Variants in XRN1 observed in about 807,000 individuals in gnomAD.
The protein encoded by XRN1 is strand-exchange protein 1 homolog.
Under a neutral mutation model 222.3 loss-of-function variants are expected in XRN1, and 67 were observed. That is an observed-to-expected ratio of 0.30 (90% CI 0.25 to 0.37). The LOEUF is 0.37. Ranked by LOEUF, XRN1 falls within the 10% of genes least tolerant of loss-of-function variation. The pLI, the probability that XRN1 is intolerant of heterozygous loss-of-function variation, is 1.00. For missense variants in XRN1, 1,707 were observed against 2,000.2 expected (o/e 0.85, Z 2.80); for synonymous variants, 643 against 652.4 (o/e 0.99, Z 0.22).
intron 12 of XRN1, 121 bp from the exon 13 acceptor site, chr3:142,417,350 AT>A (rs1160214056): frequency 2.7e-6 from 2 of 743,344 alleles, no homozygotes; most frequent in East Asian, 5.5e-5. Context: ...TGAATTAGCT[AT>A]TTATGGCTAA....
At chr3:142,316,975 TCA>T (rs1313612543) in intron 39 of XRN1, among the ~76,000 whole-genome samples, 3 of 152,190 alleles carry the variant, frequency 2.0e-5, no homozygotes, top group African/African-American at 4.8e-5. Flanking sequence ...TGTATTAGAT[TCA>T]CAGTTTGGCT....
intron 39 of XRN1, among the ~76,000 whole-genome samples, chr3:142,315,646 C>T (rs1053095131): frequency 1.4e-4 from 21 of 151,642 alleles, no homozygotes; most frequent in African/African-American, 4.8e-4. Context: ...GTAGCTGGGA[C>T]TACAGGTGTG....
At chr3:142,404,871 C>T (rs2068286091) in intron 16 of XRN1, 36 bp downstream of exon 16, 2 of 1,609,638 alleles carry the variant, frequency 1.2e-6, no homozygotes, top group East Asian at 4.5e-5. Flanking sequence ...GTTAGGAGCG[C>T]TCTTTTGTTG....
chr3:142,403,083 A>G (rs1190540501), intron 18 of XRN1, among the ~76,000 whole-genome samples: 1 of 152,208 alleles, frequency 6.6e-6, no homozygotes, highest in Non-Finnish European at 1.5e-5. Context: ...TCATGGGAAA[A>G]TAAGTCCAAA....
Position 142,447,093 on chromosome 3 carries a change from C to CA in XRN1, c.75+776dup, listed in dbSNP as rs1288774534. On this transcript the variant is annotated intron_variant, in intron 1 of 40. Coordinates refer to ENST00000392981, the MANE Select transcript of XRN1 (RefSeq NM_001282857.2). The surrounding 1 kb of genome is among the most constrained non-coding windows in gnomAD (Gnocchi z 4.2). ...AGACGACTGCTTTCTCCTCTCTTTC[C>CA]ACAGTTCCAATATATAAACTACGTT... is the stretch of plus-strand genomic sequence containing the variant. Among the ~76,000 whole-genome samples the CA allele has an allele frequency of 6.6e-6, 1 of 152,200 alleles. No individual in the cohort carries two copies. Among genetic ancestry groups the CA allele is most frequent in the Non-Finnish European group, 1.5e-5 (1 of 68,046 alleles).
At position 142,312,421 on chromosome 3, in the gene XRN1, A is replaced by G. The variant is rs147155617; in HGVS notation, c.4782+177T>C. ...TTACTTGGTACAATTATTGTTTATTAGAACACAAACTCAGAGAGCAGAGAC... is the reference window on the plus strand; with the variant it reads ...TTACTTGGTACAATTATTGTTTATTGGAACACAAACTCAGAGAGCAGAGAC... On this transcript the variant is annotated intron_variant, in intron 40 of 40. Coordinates refer to ENST00000392981, the MANE Select transcript of XRN1 (RefSeq NM_001282857.2). 3.1e-3 allele frequency among the ~76,000 whole-genome samples: 472 copies of G among 152,348 alleles called. 1 individual carries two copies. Among genetic ancestry groups the G allele is most frequent in the African/African-American group, 0.011 (456 of 41,590 alleles).
In XRN1 at chr3:142,414,680, A is replaced by G. The variant is rs141102365; in HGVS notation, c.1437-389T>C. Among the ~76,000 whole-genome samples, 28 of 152,136 alleles carry G rather than the reference A, an allele frequency of 1.8e-4. No homozygotes were observed. In the East Asian group the frequency reaches 5.4e-3, roughly 29 times the overall value. On this transcript the variant is annotated intron_variant, in intron 13 of 40. Coordinates refer to ENST00000392981, the MANE Select transcript of XRN1 (RefSeq NM_001282857.2). ...CAGGCTAATTTTTTGTATTTTTAGT[A>G]GAGACGGGGTTTCACCTTGTTAGCC...
At chr3:142,336,382 C>T (rs2065851700) in intron 33 of XRN1, among the ~76,000 whole-genome samples, 1 of 147,462 alleles carries the variant, frequency 6.8e-6, no homozygotes, top group African/African-American at 2.5e-5. Flanking sequence ...CTAGACTGTT[C>T]ATTAAGCCAG....
chr3:142,369,731 A>G (rs532259545), intron 27 of XRN1, among the ~76,000 whole-genome samples: 1 of 151,998 alleles, frequency 6.6e-6, no homozygotes, highest in Non-Finnish European at 1.5e-5. Flanking sequence ...TTCTACAAAA[A>G]GATGAACTGT....
intron 25 of XRN1, 81 bp downstream of exon 25, chr3:142,375,717 A>C: frequency 1.5e-6 from 2 of 1,355,384 alleles, no homozygotes; most frequent in Non-Finnish European, 2.0e-6. Flanking sequence ...TTTGTCCTCT[A>C]AAACTAATAT....
intron 15 of XRN1, among the ~76,000 whole-genome samples, chr3:142,408,910 A>G (rs1156798429): frequency 6.6e-6 from 1 of 152,182 alleles, no homozygotes; most frequent in African/African-American, 2.4e-5. Flanking sequence ...GTATAGTGGT[A>G]TCTTATCATG....
Position 142,383,342 on chromosome 3 carries a change from C to T in XRN1, c.2574G>A (p.Met858Ile), listed in dbSNP as rs753366672. ...AATAGGGAGTTCCCAGCATAAAGACCATACTTCTCAGAGGAAACAAATCAT... is the reference window on the plus strand; with the variant it reads ...AATAGGGAGTTCCCAGCATAAAGACTATACTTCTCAGAGGAAACAAATCAT... Reference protein sequence around the residue: ...TLDDLFPLRSMVFMLGTPYYG... With the variant: ...TLDDLFPLRSIVFMLGTPYYG... The change falls in exon 22 of 41, where the codon ATG becomes ATA. Residue 858 changes from methionine to isoleucine, a missense_variant. By Grantham distance (10) the Met-to-Ile change is conservative. Around this residue, in one of 2 missense-constraint regions of XRN1, gnomAD observed 1,234 missense variants for 1,518.2 expected, o/e 0.81. Transcript: ENST00000392981. The T allele has an allele frequency of 6.2e-7, 1 of 1,613,848 alleles. No individual in the cohort carries two copies. Among genetic ancestry groups the T allele is most frequent in the Non-Finnish European group, 8.5e-7 (1 of 1,179,916 alleles).
At chr3:142,345,118 A>T (rs1278768752) in intron 33 of XRN1, among the ~76,000 whole-genome samples, 3 of 152,272 alleles carry the variant, frequency 2.0e-5, no homozygotes, top group African/African-American at 7.2e-5. Context: ...CTTCTTAAAA[A>T]TGAGATGGTG....
Position 142,417,143 on chromosome 3 carries a change from C to T in XRN1, c.1433G>A (p.Ser478Asn). ...ATTTTTGTTTTTATTCTCTCACCAG[C>T]TCCAGGACTGAACTCCATGATAGTA... Reference protein sequence around the residue: ...HYYYHGVQSWSWYYPYHYAPF... With the variant: ...HYYYHGVQSWNWYYPYHYAPF... The change falls in exon 13 of 41, where the codon AGC becomes AAC. Residue 478 changes from serine to asparagine, a missense_variant. Physicochemically the swap from Ser to Asn is conservative, Grantham distance 46. Coordinates refer to ENST00000392981, the MANE Select transcript of XRN1 (RefSeq NM_001282857.2). 3.1e-6 allele frequency: 5 copies of T among 1,611,600 alleles called. No individual in the cohort carries two copies. The highest frequency in any genetic ancestry group is 3.4e-6 in the Non-Finnish European group (4 of 1,178,564).
chr3:142,401,429 T>C (rs2068125459), intron 18 of XRN1, among the ~76,000 whole-genome samples: 1 of 152,308 alleles, frequency 6.6e-6, no homozygotes, highest in African/African-American at 2.4e-5. Flanking sequence ...TTTAAGAAAC[T>C]GTAGGCTGGG....
intron 34 of XRN1, among the ~76,000 whole-genome samples, chr3:142,334,987 T>A (rs1337688255): frequency 6.6e-6 from 1 of 151,328 alleles, no homozygotes; most frequent in Non-Finnish European, 1.5e-5. Context: ...AGCAGGCACA[T>A]GCCACCACGC....
At chr3:142,315,634 G>C (rs1189348250) in intron 39 of XRN1, among the ~76,000 whole-genome samples, 1 of 151,308 alleles carries the variant, frequency 6.6e-6, no homozygotes, top group Non-Finnish European at 1.5e-5. Flanking sequence ...TCAGCCTCCT[G>C]AGTAGCTGGG....
At chr3:142,388,266 T>C (rs2067582357) in intron 20 of XRN1, among the ~76,000 whole-genome samples, 1 of 90,742 alleles carries the variant, frequency 1.1e-5, no homozygotes, top group South Asian at 2.6e-4. Flanking sequence ...ACTTAATTAA[T>C]AGTAAATATA....
chr3:142,423,547 C>A lies in XRN1; in HGVS notation c.710+13G>T, dbSNP rs549544223. ...TAATTTCTTTCTTCCAACATATATG[C>A]TATATAATTTACCGTTGTGTTTTTT... On this transcript the variant is annotated intron_variant, in intron 6 of 40. Coordinates refer to ENST00000392981, the MANE Select transcript of XRN1 (RefSeq NM_001282857.2). The A allele has an allele frequency of 2.7e-5, 42 of 1,584,010 alleles. 1 individual carries two copies. The South Asian group carries it at 4.3e-4, about 16-fold the overall frequency.
Sources: gnomAD v4.1 joint callset for allele counts (sites outside exome capture counted in the v4.1 genomes callset) on GRCh38, gnomAD v4.1.1 for gene constraint, gnomAD v4.1.1 regional missense constraint, Gnocchi (gnomAD v3.1) non-coding constraint, MANE v1.5 for transcripts, NCBI Gene and HGNC (gene_info 2026-07-23, HGNC 2026-07-21) for gene names.